TCAIM: variants seen among roughly 807,000 people sequenced by gnomAD.
TCAIM encodes T-cell activation inhibitor, mitochondrial.
Under a neutral mutation model 58.6 loss-of-function variants are expected in TCAIM, and 36 were observed. The ratio of observed to expected loss-of-function variants is 0.61; its 90% confidence interval spans 0.47 to 0.81. The LOEUF (loss-of-function observed/expected upper bound fraction) is 0.81, where lower values mean the gene tolerates loss of function less well. TCAIM is among the 30% of genes least tolerant of loss of function. The pLI is 0.00. For missense variants in TCAIM, 466 were observed against 579.6 expected (o/e 0.80, Z 2.01); for synonymous variants, 172 against 193.6 (o/e 0.89, Z 0.93).
rs1702009055 is a variant in TCAIM, at chr3:44,400,676, G to T, written c.1118+89G>T. Reference sequence around the variant, plus strand: ...GCATTAAATTGTTTTGTATTTCAATGGGTAGTTCTTAGGAATTAAAGAAAA... The same window carrying T: ...GCATTAAATTGTTTTGTATTTCAATTGGTAGTTCTTAGGAATTAAAGAAAA... On this transcript the variant is annotated intron_variant, in intron 9 of 10. Coordinates refer to ENST00000342649, the MANE Select transcript of TCAIM (RefSeq NM_173826.4). 1.4e-5 allele frequency: 16 copies of T among 1,127,720 alleles called. 2 individuals are homozygous for T. In the South Asian group the frequency reaches 2.2e-4, roughly 15 times the overall value. 69.9% of individuals were successfully genotyped at this position (1,127,720 alleles called of 1,614,324 possible).
chr3:44,382,844 G>T (rs1200658807), intron 5 of TCAIM, among the ~76,000 whole-genome samples: 3 of 152,086 alleles, frequency 2.0e-5, no homozygotes, highest in Admixed American at 2.0e-4. Context: ...TCATATATAT[G>T]ATAAAGGAAT....
At chr3:44,352,536 T>C (rs755541888) in intron 1 of TCAIM, among the ~76,000 whole-genome samples, 50 of 152,210 alleles carry the variant, frequency 3.3e-4, no homozygotes, top group Admixed American at 5.9e-4. Context: ...GAGAGTTTCA[T>C]ATACTCACAT....
intron 1 of TCAIM, among the ~76,000 whole-genome samples, chr3:44,343,683 C>CT (rs1700902903): frequency 6.6e-6 from 1 of 152,150 alleles, no homozygotes; most frequent in African/African-American, 2.4e-5. Context: ...TTCTATTACT[C>CT]TACTGAAATG....
chr3:44,344,257 A>G (rs1700917799), intron 1 of TCAIM, among the ~76,000 whole-genome samples: 1 of 152,058 alleles, frequency 6.6e-6, no homozygotes, highest in Admixed American at 6.5e-5. Context: ...TTCACCTCCC[A>G]AAGTGCTATG....
At chr3:44,390,179 A>G (rs1272682321) in intron 5 of TCAIM, among the ~76,000 whole-genome samples, 6 of 152,234 alleles carry the variant, frequency 3.9e-5, no homozygotes, top group Non-Finnish European at 2.9e-5. Context: ...CAGGCATTCA[A>G]TATAAGTGTT....
chr3:44,340,443 T>G (rs903088312), intron 1 of TCAIM: 1 of 152,206 alleles, frequency 6.6e-6, no homozygotes, highest in African/African-American at 2.4e-5. Flanking sequence ...CCTGCCAACC[T>G]GCTGGACATT....
chr3:44,406,541 A>G (rs887909205), intron 10 of TCAIM, among the ~76,000 whole-genome samples: 1 of 152,200 alleles, frequency 6.6e-6, no homozygotes, highest in South Asian at 2.1e-4. Flanking sequence ...AGTGATCAGT[A>G]TTATAGGCCA....
At chr3:44,345,029 C>T (rs543387749) in intron 1 of TCAIM, among the ~76,000 whole-genome samples, 1 of 152,194 alleles carries the variant, frequency 6.6e-6, no homozygotes, top group South Asian at 2.1e-4. Context: ...GCCTGACATT[C>T]CTGTCTTCTT....
Position 44,400,566 on chromosome 3 carries a change from GT to G in TCAIM, c.1100del (p.Leu367TyrfsTer3). ...CTATTTCACCCTCGAAGTTTGCGTG[GT>G]TTACAAATGATCCTTAACAGGTAAA... ...RILFHPRSLR[G>X]LQMILNSDRY... On this transcript the variant is annotated frameshift_variant, in exon 9 of 11. Transcript: ENST00000342649. LOFTEE classifies it high-confidence loss of function. 1 of 1,613,042 alleles carries G rather than the reference GT, an allele frequency of 6.2e-7. No individual in the cohort carries two copies. The highest frequency in any genetic ancestry group is 1.3e-5 in the African/African-American group (1 of 74,982).
At chr3:44,403,294 G>C (rs575321649) in intron 10 of TCAIM, among the ~76,000 whole-genome samples, 2 of 151,920 alleles carry the variant, frequency 1.3e-5, no homozygotes, top group East Asian at 1.9e-4. Context: ...TAGAGAGAAG[G>C]GATGGCAACT....
intron 2 of TCAIM, 77 bp downstream of exon 2, chr3:44,354,888 G>T (rs1175139078): frequency 1.9e-5 from 28 of 1,504,304 alleles, no homozygotes; most frequent in Non-Finnish European, 2.5e-5. Flanking sequence ...ATTTCAGTTT[G>T]TTATTATTTT....
In TCAIM at chr3:44,409,093, T is replaced by G. The variant is rs1702143351; in HGVS notation, c.*1411T>G. The G allele has an allele frequency of 6.6e-6, 1 of 152,210 alleles. No homozygotes were observed. The highest frequency in any genetic ancestry group is 2.1e-4 in the South Asian group (1 of 4,832). 9.4% of individuals were successfully genotyped at this position (152,210 alleles called of 1,614,324 possible). ...TAAAAGAGATGTTAAAATAAGTTCT[T>G]GAAGTATGTTTTATATTTATCTAAA... On this transcript the variant is annotated 3_prime_UTR_variant, in exon 11 of 11. Transcript: ENST00000342649.
intron 1 of TCAIM, among the ~76,000 whole-genome samples, chr3:44,348,607 C>T (rs535816955): frequency 6.6e-6 from 1 of 151,966 alleles, no homozygotes; most frequent in East Asian, 1.9e-4. Context: ...AATTGCAACT[C>T]TTCTCTATTA....
intron 1 of TCAIM, among the ~76,000 whole-genome samples, chr3:44,342,740 A>G (rs896792198): frequency 3.2e-4 from 48 of 151,828 alleles, no homozygotes; most frequent in Non-Finnish European, 5.7e-4. Context: ...AATTGTAGAA[A>G]GCCTACCTCT....
At chr3:44,392,730 T>C (rs1701858130) in intron 5 of TCAIM, 125 bp from the exon 6 acceptor site, 1 of 836,612 alleles carries the variant, frequency 1.2e-6, no homozygotes, top group South Asian at 2.1e-5. Context: ...CTGTCATTGA[T>C]TGGCATTTAG....
chr3:44,348,532 T>G (rs1701019878), intron 1 of TCAIM, among the ~76,000 whole-genome samples: 1 of 152,186 alleles, frequency 6.6e-6, no homozygotes, highest in Non-Finnish European at 1.5e-5. Flanking sequence ...CACTGTGGCT[T>G]AGGTGTTTTG....
At chr3:44,407,068 G>A (rs1021494104) in intron 10 of TCAIM, among the ~76,000 whole-genome samples, 2 of 152,104 alleles carry the variant, frequency 1.3e-5, no homozygotes, top group Non-Finnish European at 2.9e-5. Flanking sequence ...TACTTCCCAA[G>A]GGTTAAACTT....
intron 4 of TCAIM, among the ~76,000 whole-genome samples, chr3:44,364,920 G>C (rs1033881584): frequency 5.3e-5 from 8 of 152,050 alleles, no homozygotes; most frequent in African/African-American, 1.9e-4. Flanking sequence ...TACAAACTCT[G>C]CAGCTTGGAA....
chr3:44,341,684 T>G (rs528895304), intron 1 of TCAIM, among the ~76,000 whole-genome samples: 1 of 152,252 alleles, frequency 6.6e-6, no homozygotes, highest in South Asian at 2.1e-4. Flanking sequence ...TGGAAAAAAA[T>G]TATGCCATTT....
Sources: gnomAD v4.1 joint callset for allele counts (sites outside exome capture counted in the v4.1 genomes callset) on GRCh38, gnomAD v4.1.1 for gene constraint, MANE v1.5 for transcripts, NCBI Gene and HGNC (gene_info 2026-07-23, HGNC 2026-07-21) for gene names.